PTPRD: variants seen among roughly 807,000 people sequenced by gnomAD.
PTPRD encodes the protein receptor-type tyrosine-protein phosphatase delta.
A neutral mutation model predicts 214.5 loss-of-function variants in PTPRD; 34 were observed. That is an observed-to-expected ratio of 0.16 (90% confidence interval 0.12 to 0.21). The LOEUF is 0.21. Among genes scored for constraint, PTPRD ranks in the 10% least tolerant of loss-of-function variants. The pLI, the probability that PTPRD is intolerant of heterozygous loss-of-function variation, is 1.00. For synonymous variants in PTPRD, 1,128 were observed against 845.7 expected (o/e 1.33, Z -5.79); for missense variants, 2,545 against 2,398.7 (o/e 1.06, Z -1.27).
At chr9:8,387,013 G>A (rs2087343980) in intron 37 of PTPRD, among the ~76,000 whole-genome samples, 1 of 152,252 alleles carries the variant, frequency 6.6e-6, no homozygotes, top group Admixed American at 6.5e-5. Flanking sequence ...TTGTCAGATT[G>A]GTGGTGGCTG....
chr9:10,589,206 T>G (rs1223278374), intron 2 of PTPRD, among the ~76,000 whole-genome samples: 1 of 151,994 alleles, frequency 6.6e-6, no homozygotes, highest in Non-Finnish European at 1.5e-5. Context: ...GAAATGTCTG[T>G]GTGGGTCAGA....
In PTPRD at chr9:9,514,111, G is replaced by C. The variant is rs145839517; in HGVS notation, c.-237+60621C>G. Among the ~76,000 whole-genome samples, 364 of 152,088 alleles carry C rather than the reference G, an allele frequency of 2.4e-3. 1 individual carries two copies. The highest frequency in any genetic ancestry group is 8.1e-3 in the African/African-American group (338 of 41,546). On this transcript the variant is annotated intron_variant, in intron 8 of 45. Transcript: ENST00000381196. ...GTGCTTTGAACATTGTGAAAATGTT[G>C]TTGCCCCCAAATTTATTTTGGCCTT...
chr9:8,540,565 G>T (rs935078743), intron 14 of PTPRD, among the ~76,000 whole-genome samples: 1 of 152,134 alleles, frequency 6.6e-6, no homozygotes. Flanking sequence ...AAATGATAAA[G>T]TCTGATAAAA....
At chr9:8,841,342 A>G (rs115682739) in intron 11 of PTPRD, among the ~76,000 whole-genome samples, 1,533 of 152,350 alleles carry the variant, frequency 0.01, 28 homozygotes, top group African/African-American at 0.035. Context: ...AAGGTGCTGA[A>G]AATGTCACCA....
intron 11 of PTPRD, among the ~76,000 whole-genome samples, chr9:8,934,755 A>G (rs2098985010): frequency 2.0e-5 from 3 of 150,954 alleles, no homozygotes; most frequent in Non-Finnish European, 4.4e-5. Context: ...TCCTTCTACT[A>G]ACATCTCCCT....
intron 2 of PTPRD, among the ~76,000 whole-genome samples, chr9:10,449,708 C>T (rs1449835249): frequency 2.7e-5 from 4 of 145,506 alleles, no homozygotes; most frequent in Non-Finnish European, 5.9e-5. Context: ...AGTGAGGAGC[C>T]CCTCTGCCCG....
At chr9:9,314,681 A>G (rs565252269) in intron 9 of PTPRD, among the ~76,000 whole-genome samples, 1 of 152,212 alleles carries the variant, frequency 6.6e-6, no homozygotes, top group African/African-American at 2.4e-5. Flanking sequence ...TATAAATGCA[A>G]TGGGATTGAA....
At chr9:8,777,730 G>A (rs1457147059) in intron 11 of PTPRD, among the ~76,000 whole-genome samples, 5 of 152,132 alleles carry the variant, frequency 3.3e-5, no homozygotes, top group Admixed American at 2.6e-4. Flanking sequence ...AAATTGAATT[G>A]AAAGCCTTAT....
intron 7 of PTPRD, among the ~76,000 whole-genome samples, chr9:9,629,824 A>C (rs558070466): frequency 6.6e-6 from 1 of 152,240 alleles, no homozygotes; most frequent in Non-Finnish European, 1.5e-5. Flanking sequence ...GACAGCTTAC[A>C]AGAAGGAAAA....
chr9:9,567,429 A>G (rs1035107789), intron 8 of PTPRD, among the ~76,000 whole-genome samples: 2 of 151,990 alleles, frequency 1.3e-5, no homozygotes, highest in Non-Finnish European at 2.9e-5. Flanking sequence ...TATTCTCTTG[A>G]AGATGAAAAG....
intron 10 of PTPRD, among the ~76,000 whole-genome samples, chr9:9,025,624 T>A (rs1239337513): frequency 6.6e-6 from 1 of 151,994 alleles, no homozygotes; most frequent in Admixed American, 6.6e-5. Context: ...TAATGCTTTA[T>A]AATCTGTTCA....
At chr9:9,067,541 C>G (rs1005822340) in intron 10 of PTPRD, among the ~76,000 whole-genome samples, 1 of 152,122 alleles carries the variant, frequency 6.6e-6, no homozygotes, top group African/African-American at 2.4e-5. Context: ...TTGGCAGGTA[C>G]TTATCTTCTA....
At chr9:9,393,269 G>A (rs1170902262) in intron 9 of PTPRD, among the ~76,000 whole-genome samples, 2 of 152,096 alleles carry the variant, frequency 1.3e-5, no homozygotes, top group African/African-American at 4.8e-5. Context: ...CTCTGGGTTT[G>A]TTCATATAAC....
At chr9:9,381,770 C>G (rs939484495) in intron 9 of PTPRD, among the ~76,000 whole-genome samples, 1 of 151,188 alleles carries the variant, frequency 6.6e-6, no homozygotes, top group South Asian at 2.1e-4. Flanking sequence ...CGAGTTTGCA[C>G]TATAGCTTTG....
At chr9:8,867,338 G>A (rs1418824298) in intron 11 of PTPRD, among the ~76,000 whole-genome samples, 1 of 152,168 alleles carries the variant, frequency 6.6e-6, no homozygotes, top group Non-Finnish European at 1.5e-5. Flanking sequence ...TGAGGCAGAT[G>A]TTCTGCTCTG....
At chr9:9,007,192 T>C (rs924032016) in intron 11 of PTPRD, among the ~76,000 whole-genome samples, 12 of 151,840 alleles carry the variant, frequency 7.9e-5, no homozygotes, top group Non-Finnish European at 1.8e-4. Context: ...GAGGTATATG[T>C]AGAAATATAC....
intron 2 of PTPRD, among the ~76,000 whole-genome samples, chr9:10,556,537 G>C (rs998248205): frequency 1.4e-4 from 21 of 152,030 alleles, no homozygotes; most frequent in African/African-American, 5.1e-4. Context: ...CGTAATTAAA[G>C]AAAGGCCCTC....
chr9:10,486,899 G>A (rs181394858), intron 2 of PTPRD, among the ~76,000 whole-genome samples: 117 of 152,128 alleles, frequency 7.7e-4, no homozygotes, highest in Middle Eastern at 3.4e-3. Flanking sequence ...TTGAATATGT[G>A]GTGTTGAAAT....
At chr9:8,906,590 C>G (rs936085990) in intron 11 of PTPRD, among the ~76,000 whole-genome samples, 1 of 152,180 alleles carries the variant, frequency 6.6e-6, no homozygotes, top group Non-Finnish European at 1.5e-5. Flanking sequence ...AAAGTAACCA[C>G]TTGCAAAGGA....
Sources: allele counts gnomAD v4.1 joint callset (sites outside exome capture counted in the v4.1 genomes callset), GRCh38; gene constraint gnomAD v4.1.1; transcripts MANE v1.5; gene names NCBI Gene and HGNC (gene_info 2026-07-23, HGNC 2026-07-21).